AUTS2: variants seen among roughly 807,000 people sequenced by gnomAD.
AUTS2 encodes autism susceptibility gene 2 protein.
In AUTS2, 17 loss-of-function variants were observed where a neutral mutation model predicts 112.4. The observed-to-expected ratio is 0.15, with a 90% CI of 0.10 to 0.23. The LOEUF is 0.23. Among genes scored for constraint, AUTS2 ranks in the 10% least tolerant of loss-of-function variants. The pLI is 1.00. For missense variants in AUTS2, 1,510 were observed against 1,701.6 expected (o/e 0.89, Z 1.98); for synonymous variants, 751 against 702.7 (o/e 1.07, Z -1.09).
intron 4 of AUTS2, among the ~76,000 whole-genome samples, chr7:70,158,275 G>A (rs984220483): frequency 1.3e-5 from 2 of 152,334 alleles, no homozygotes; most frequent in South Asian, 4.1e-4. Context: ...TTTATTAGAT[G>A]TGTGTGAGAG....
intron 5 of AUTS2, among the ~76,000 whole-genome samples, chr7:70,445,432 C>G (rs976951721): frequency 1.3e-5 from 2 of 152,280 alleles, no homozygotes; most frequent in East Asian, 3.9e-4. Flanking sequence ...CCCTCACCCC[C>G]ACCCAAACAA....
chr7:69,819,281 C>T (rs1790886208), intron 1 of AUTS2, among the ~76,000 whole-genome samples: 1 of 152,206 alleles, frequency 6.6e-6, no homozygotes, highest in Non-Finnish European at 1.5e-5. Context: ...TTTGCCACTT[C>T]CTCACCCTTT....
At chr7:70,396,018 A>G (rs1390397907) in intron 4 of AUTS2, among the ~76,000 whole-genome samples, 1 of 152,236 alleles carries the variant, frequency 6.6e-6, no homozygotes, top group African/African-American at 2.4e-5. Flanking sequence ...AAAATATGCT[A>G]TCTACACTTA....
chr7:70,167,829 C>T (rs1808463868), intron 4 of AUTS2, among the ~76,000 whole-genome samples: 1 of 152,168 alleles, frequency 6.6e-6, no homozygotes, highest in Non-Finnish European at 1.5e-5. Flanking sequence ...AAGAGTAAGT[C>T]TCAAATCTAA....
intron 6 of AUTS2, among the ~76,000 whole-genome samples, chr7:70,742,783 A>G (rs1788194425): frequency 6.6e-6 from 1 of 152,062 alleles, no homozygotes; most frequent in Admixed American, 6.5e-5. Context: ...ATTTCACCTC[A>G]TATCATTTAC....
chr7:69,856,817 G>C (rs1470334053), intron 1 of AUTS2, among the ~76,000 whole-genome samples: 5 of 152,164 alleles, frequency 3.3e-5, no homozygotes, highest in Non-Finnish European at 7.4e-5. Context: ...AGCGGATTCA[G>C]TGCTTTTCCT....
chr7:70,752,781 C>A (rs992842946), intron 6 of AUTS2, among the ~76,000 whole-genome samples: 4 of 152,306 alleles, frequency 2.6e-5, no homozygotes, highest in African/African-American at 9.6e-5. Context: ...TAGATCACAA[C>A]CTATTTCTCT....
At chr7:70,147,920 T>A (rs1807219469) in intron 4 of AUTS2, among the ~76,000 whole-genome samples, 1 of 151,966 alleles carries the variant, frequency 6.6e-6, no homozygotes, top group African/African-American at 2.4e-5. Flanking sequence ...TGAATTTCTT[T>A]CTTCTTGATG....
At chr7:70,785,602 GC>G (rs763683770) in intron 16 of AUTS2, 5 of 436,584 alleles carry the variant, frequency 1.1e-5, no homozygotes, top group Non-Finnish European at 2.3e-5. Flanking sequence ...GGATTCAGAT[GC>G]CACCTCCTTT....
chr7:70,295,654 C>T (rs73433001), intron 4 of AUTS2, among the ~76,000 whole-genome samples: 2,076 of 152,246 alleles, frequency 0.014, 63 homozygotes, highest in African/African-American at 0.048. Flanking sequence ...ACTGCTCCCA[C>T]CTCAGGGTCT....
intron 1 of AUTS2, among the ~76,000 whole-genome samples, chr7:69,802,096 C>A (rs1790112303): frequency 6.6e-6 from 1 of 152,184 alleles, no homozygotes; most frequent in African/African-American, 2.4e-5. Context: ...GTTGGCCAGA[C>A]CAGCAGGTTG....
chr7:70,761,607 A>G (rs919558707), intron 6 of AUTS2, among the ~76,000 whole-genome samples: 3 of 152,144 alleles, frequency 2.0e-5, no homozygotes, highest in Non-Finnish European at 2.9e-5. Context: ...ATTCTTTTCT[A>G]TTGAGTGCCC....
chr7:69,815,521 C>T (rs1215712779), intron 1 of AUTS2, among the ~76,000 whole-genome samples: 1 of 152,014 alleles, frequency 6.6e-6, no homozygotes, highest in East Asian at 1.9e-4. Flanking sequence ...CTCTTTATGA[C>T]TACTTTTTTT....
chr7:69,602,034 ATATATATG>A (rs1348094585), intron 1 of AUTS2, among the ~76,000 whole-genome samples: 1 of 131,200 alleles, frequency 7.6e-6, no homozygotes, highest in Admixed American at 7.5e-5. Flanking sequence ...ATATATATAT[ATATATATG>A]TGTGTGTGTG....
intron 4 of AUTS2, among the ~76,000 whole-genome samples, chr7:70,178,198 G>A (rs551874410): frequency 2.6e-5 from 4 of 152,222 alleles, no homozygotes; most frequent in Non-Finnish European, 4.4e-5. Flanking sequence ...CTTTAGCCCC[G>A]TGAAGAGTGA....
chr7:70,716,497 G>A (rs918501031), intron 6 of AUTS2, among the ~76,000 whole-genome samples: 14 of 151,982 alleles, frequency 9.2e-5, no homozygotes, highest in South Asian at 2.1e-4. Flanking sequence ...GCCGGATGTG[G>A]TGGCAGGCGC....
chr7:70,344,244 A>G (rs1355489153), intron 4 of AUTS2, among the ~76,000 whole-genome samples: 2 of 152,218 alleles, frequency 1.3e-5, no homozygotes, highest in Non-Finnish European at 2.9e-5. Flanking sequence ...ACATGGCAGA[A>G]TAGAAATCAA....
chr7:69,728,034 T>TA (rs1359101951), intron 1 of AUTS2, among the ~76,000 whole-genome samples: 1 of 152,124 alleles, frequency 6.6e-6, no homozygotes, highest in Non-Finnish European at 1.5e-5. Flanking sequence ...TGTGGTACAC[T>TA]AAAGAAGATA....
At chr7:70,574,516 A>G (rs1408767058) in intron 5 of AUTS2, among the ~76,000 whole-genome samples, 1 of 152,224 alleles carries the variant, frequency 6.6e-6, no homozygotes, top group Non-Finnish European at 1.5e-5. Context: ...TTTGGCCTAC[A>G]TAGTACAAGC....
Sources: gnomAD v4.1 joint callset for allele counts (sites outside exome capture counted in the v4.1 genomes callset) on GRCh38, gnomAD v4.1.1 for gene constraint, MANE v1.5 for transcripts, NCBI Gene and HGNC (gene_info 2026-07-23, HGNC 2026-07-21) for gene names.